The following BAIAP3 variants were observed in gnomAD, a reference collection of about 807,000 sequenced individuals.
The protein encoded by BAIAP3 is BAI1-associated protein 3.
Under a neutral mutation model 149.7 loss-of-function variants are expected in BAIAP3, and 180 were observed. The observed-to-expected ratio is 1.20, with a 90% CI of 1.07 to 1.36. The LOEUF (loss-of-function observed/expected upper bound fraction) is 1.36, where lower values mean the gene tolerates loss of function less well. Ranked by LOEUF, BAIAP3 falls within the 40% of genes most tolerant of loss-of-function variation. The pLI, the probability that BAIAP3 is intolerant of heterozygous loss-of-function variation, is 0.00. For missense variants in BAIAP3, 1,767 were observed against 1,563.4 expected (o/e 1.13, Z -2.20); for synonymous variants, 845 against 670.7 (o/e 1.26, Z -4.02).
At chr16:1,346,396 G>C in intron 25 of BAIAP3, 35 bp downstream of exon 25, 2 of 1,611,522 alleles carry the variant, frequency 1.2e-6, no homozygotes, top group Non-Finnish European at 1.7e-6. Context: ...CGTGGAGGCA[G>C]TCCCTGGTGC....
chr16:1,339,423 G>A lies in BAIAP3; in HGVS notation c.301-73G>A. Reference sequence around the variant, plus strand: ...GAGGCAGAGGTGGGGCCTGGGCTCAGGCAGACAGGAGGTGCTGCTGAGGGC... The same window carrying A: ...GAGGCAGAGGTGGGGCCTGGGCTCAAGCAGACAGGAGGTGCTGCTGAGGGC... On this transcript the variant is annotated intron_variant, in intron 4 of 33. Transcript: ENST00000426824. 10 of 1,515,774 alleles carry A rather than the reference G, an allele frequency of 6.6e-6. 1 individual carries two copies. Among genetic ancestry groups the A allele is most frequent in the South Asian group, 2.4e-5 (2 of 84,942 alleles). 93.9% of individuals were successfully genotyped at this position (1,515,774 alleles called of 1,614,324 possible). A position where few individuals can be genotyped will look rare whatever the true frequency, so the allele number is the denominator to read the frequency against.
Position 1,342,835 on chromosome 16 carries a change from T to G in BAIAP3, c.1161+21T>G, listed in dbSNP as rs1567165031. On this transcript the variant is annotated intron_variant, in intron 13 of 33. Transcript: ENST00000426824. ...AGGAGGTAGTGGGTGCGCCTAGGAT[T>G]GGAACAGCCCGGCAGGGGGCCTGAG... 1.2e-6 allele frequency: 2 copies of G among 1,612,420 alleles called. 1 individual carries two copies. Among genetic ancestry groups the G allele is most frequent in the South Asian group, 2.2e-5 (2 of 91,072 alleles).
rs751696341 is a variant in BAIAP3 at position 1,339,573 on chromosome 16, C to A, written c.378C>A (p.Asp126Glu). Reference protein sequence around the residue: ...AGTMGPDQVDDEEALLSYLQQ... With the variant: ...AGTMGPDQVDEEEALLSYLQQ... ...CCATGGGCCCTGACCAGGTGGACGA[C>A]GAGGAGGCCCTGCTCAGCTATCTCC... The change falls in exon 5 of 34, where the codon GAC (aspartate) becomes GAA (glutamate). Residue 126 changes from aspartate to glutamate, a missense_variant. By Grantham distance (45) the Asp-to-Glu change is conservative (BLOSUM62 2). Coordinates refer to ENST00000426824, the MANE Select transcript of BAIAP3 (RefSeq NM_001199097.2). 1 of 1,612,556 alleles carries A rather than the reference C, an allele frequency of 6.2e-7. No individual in the cohort carries two copies. The highest frequency in any genetic ancestry group is 8.5e-7 in the Non-Finnish European group (1 of 1,179,788).
chr16:1,334,786 A>AC, intron 1 of BAIAP3: 15 of 1,534,364 alleles, frequency 9.8e-6, no homozygotes, highest in Non-Finnish European at 1.3e-5. Flanking sequence ...CCTGCGGGAA[A>AC]CCCCCAGGGC....
At chr16:1,334,404 G>A (rs1363800631) in intron 1 of BAIAP3, 5 of 540,704 alleles carry the variant, frequency 9.2e-6, no homozygotes, top group African/African-American at 1.9e-5. Flanking sequence ...ATAGAACTGG[G>A]GGTGTGGCTC....
intron 1 of BAIAP3, among the ~76,000 whole-genome samples, chr16:1,335,347 C>T (rs573372525): frequency 3.9e-5 from 6 of 152,322 alleles, no homozygotes; most frequent in African/African-American, 1.4e-4. Context: ...GAGTGTGGTT[C>T]TGGTCCTGGC....
chr16:1,339,019 C>T (rs765364569), intron 3 of BAIAP3, 30 bp downstream of exon 3: 2 of 1,611,154 alleles, frequency 1.2e-6, no homozygotes, highest in Non-Finnish European at 1.7e-6. Flanking sequence ...GGCCCGATAC[C>T]ACAGCCCAGC....
chr16:1,348,076 C>CT lies in BAIAP3; in HGVS notation c.3150-20_3150-19insT, dbSNP rs34766513. On this transcript the variant is annotated intron_variant, in intron 32 of 33. Coordinates refer to ENST00000426824, the MANE Select transcript of BAIAP3 (RefSeq NM_001199097.2). ...CTCCAGGCTGCCGGAGCGAGACTCC[C>CT]GACTGGCCTCTGTCCGCAGTTCCGT... 20 of 1,601,420 alleles carry CT rather than the reference C, an allele frequency of 1.2e-5. No individual in the cohort carries two copies. Among genetic ancestry groups the CT allele is most frequent in the Middle Eastern group, 1.6e-4 (1 of 6,076 alleles).
Position 1,341,998 on chromosome 16 carries a change from CG to C in BAIAP3, c.790del (p.Asp264MetfsTer5). ...LHLDIWDHDD[D>X]VSLVEACRKL... is the part of the protein sequence containing the mutation. ...CTGTCCCCACCAGGGATCATGACGA[CG>C]ATGTATCCCTGGTAGAAGCGTGCAG... On this transcript the variant is annotated frameshift_variant, in exon 10 of 34. Transcript: ENST00000426824. LOFTEE classifies it high-confidence loss of function. 6.2e-7 allele frequency: 1 copy of C among 1,600,550 alleles called. No individual in the cohort carries two copies. The highest frequency in any genetic ancestry group is 8.5e-7 in the Non-Finnish European group (1 of 1,173,570).
rs575924131 is a variant in BAIAP3 at position 1,346,607 on chromosome 16, C to T, written c.2565C>T (p.Ala855=). 41 of 1,450,074 alleles carry T rather than the reference C, an allele frequency of 2.8e-5. No individual in the cohort carries two copies. The highest frequency in any genetic ancestry group is 4.2e-5 in the Admixed American group (2 of 47,758). 89.8% of individuals were successfully genotyped at this position (1,450,074 alleles called of 1,614,324 possible). A position where few individuals can be genotyped will look rare whatever the true frequency, so the allele number is the denominator to read the frequency against. Residue 855 remains alanine, a splice_region_variant and synonymous_variant, in exon 27 of 34, where the codon GCC becomes GCT. Coordinates refer to ENST00000426824, the MANE Select transcript of BAIAP3 (RefSeq NM_001199097.2). ...LSPDSIQNDE[A]VAPLMKYLDE... is the part of the protein sequence containing the mutation. Reference sequence around the variant, plus strand: ...GGCCTGACCACCCCTGCCCGCAGGCCGTGGCCCCGCTCATGAAGTACCTGG... The same window carrying T: ...GGCCTGACCACCCCTGCCCGCAGGCTGTGGCCCCGCTCATGAAGTACCTGG...
chr16:1,348,656 G>T lies in BAIAP3; in HGVS notation c.*174G>T. On this transcript the variant is annotated 3_prime_UTR_variant, in exon 34 of 34. Transcript: ENST00000426824. ...ACCGCCCTGGCCGTGTCTGTCTGGT[G>T]TGTGCTGTGAACCCCTGCACCCAAC... 1 of 674,410 alleles carries T rather than the reference G, an allele frequency of 1.5e-6. No individual in the cohort carries two copies. The allele number at this position is 674,410 out of a possible 1,614,324, so 41.8% of individuals were successfully genotyped here.
At chr16:1,347,266 CCT>C (rs1386898940) in intron 28 of BAIAP3, 30 bp from the exon 29 acceptor site, 1 of 1,606,804 alleles carries the variant, frequency 6.2e-7, no homozygotes, top group Admixed American at 1.7e-5. Context: ...AGCCAGGCTC[CCT>C]GACACCTCTG....
chr16:1,338,471 C>G, intron 1 of BAIAP3, 69 bp from the exon 2 acceptor site: 1 of 968,908 alleles, frequency 1.0e-6, no homozygotes, highest in Non-Finnish European at 1.3e-6. Context: ...CCCCCACCCC[C>G]CCGCCTGCTG....
chr16:1,335,378 G>A (rs1163440362), intron 1 of BAIAP3, among the ~76,000 whole-genome samples: 1 of 148,004 alleles, frequency 6.8e-6, no homozygotes, highest in Non-Finnish European at 1.5e-5. Context: ...AGCAGAGTAT[G>A]GGGGGGTTCA....
At position 1,345,969 on chromosome 16, in the gene BAIAP3, C is replaced by T. The variant is rs753530723; in HGVS notation, c.2209-17C>T. 1.6e-5 allele frequency: 25 copies of T among 1,595,244 alleles called. No homozygotes were observed. The highest frequency in any genetic ancestry group is 1.1e-4 in the African/African-American group (8 of 74,804). The stretch of plus-strand genomic sequence containing the variant: ...AGGGGAGGGCTCCATGGCTCCCCAC[C>T]GCCATCCCCTCCTCAGGACGTGTGT... On this transcript the variant is annotated splice_polypyrimidine_tract_variant and intron_variant, in intron 23 of 33. Transcript: ENST00000426824.
rs757595454 is a variant in BAIAP3 at position 1,347,765 on chromosome 16, AG to A, written c.2970del (p.Gln990HisfsTer21). Reference sequence around the variant, plus strand: ...CGTTGCCATTACGAGGCGGCTGAGCAGCGGCTGGCCGTGGAGGTGCTGCACG... The same window carrying A: ...CGTTGCCATTACGAGGCGGCTGAGCACGGCTGGCCGTGGAGGTGCTGCACG... Reference protein sequence around the residue: ...SVRCHYEAAEQRLAVEVLHAA... With the variant: ...SVRCHYEAAEXRLAVEVLHAA... On this transcript the variant is annotated frameshift_variant, in exon 31 of 34. Transcript: ENST00000426824. LOFTEE classifies it high-confidence loss of function. The A allele has an allele frequency of 1.2e-6, 2 of 1,609,386 alleles. No individual in the cohort carries two copies. The highest frequency in any genetic ancestry group is 2.7e-5 in the African/African-American group (2 of 74,878).
intron 1 of BAIAP3, chr16:1,336,429 A>G (rs1567156043): frequency 1.1e-5 from 11 of 974,086 alleles, no homozygotes; most frequent in Non-Finnish European, 1.2e-5. Context: ...ATTGCCTCTC[A>G]CAGGGTGGGA....
chr16:1,342,674 T>A (rs748732634), intron 12 of BAIAP3, 40 bp downstream of exon 12: 15 of 1,609,512 alleles, frequency 9.3e-6, no homozygotes, highest in East Asian at 2.2e-5. Context: ...CCCCCGTCCT[T>A]GGGGCGGGGG....
rs566404284 is a variant in BAIAP3 at position 1,338,335 on chromosome 16, G to A, written c.-10-205G>A. On this transcript the variant is annotated intron_variant, in intron 1 of 33. Coordinates refer to ENST00000426824, the MANE Select transcript of BAIAP3 (RefSeq NM_001199097.2). ...TCCCTGAAGCCGCCCTGCAGGGGGCGCAGGGACTTAGCCGGTCACCCAGCA... is the reference window on the plus strand; with the variant it reads ...TCCCTGAAGCCGCCCTGCAGGGGGCACAGGGACTTAGCCGGTCACCCAGCA... 2.5e-4 allele frequency among the ~76,000 whole-genome samples: 38 copies of A among 152,216 alleles called. 1 individual carries two copies. The South Asian group carries it at 6.8e-3, about 27-fold the overall frequency.
Sources: gnomAD v4.1 joint callset for allele counts (sites outside exome capture counted in the v4.1 genomes callset) on GRCh38, gnomAD v4.1.1 for gene constraint, MANE v1.5 for transcripts, NCBI Gene and HGNC (gene_info 2026-07-23, HGNC 2026-07-21) for gene names.